The following KLHL1 variants were observed in gnomAD, a reference collection of about 807,000 sequenced individuals.
KLHL1 encodes the protein kelch like family member 1.
Under a neutral mutation model 77.7 loss-of-function variants are expected in KLHL1, and 47 were observed. The observed-to-expected ratio is 0.60, with a 90% confidence interval of 0.48 to 0.77. The LOEUF (loss-of-function observed/expected upper bound fraction) is 0.77, where lower values mean the gene tolerates loss of function less well. Among genes scored for constraint, KLHL1 ranks in the 30% least tolerant of loss-of-function variants. KLHL1 has a pLI of 0.00. For missense variants in KLHL1, 925 were observed against 910.8 expected (o/e 1.02, Z -0.20); for synonymous variants, 360 against 325.2 (o/e 1.11, Z -1.15).
At chr13:69,841,684 T>G (rs1376802026) in intron 5 of KLHL1, among the ~76,000 whole-genome samples, 1 of 151,904 alleles carries the variant, frequency 6.6e-6, no homozygotes, top group African/African-American at 2.4e-5. Context: ...AAAGTCATTT[T>G]TTCACAGAAT....
rs185063257 is a variant in KLHL1 at position 70,090,485 on chromosome 13, A to G, written c.497+16718T>C. Among the ~76,000 whole-genome samples the G allele has an allele frequency of 8.0e-3, 1,222 of 152,066 alleles. 13 individuals are homozygous for G. Among genetic ancestry groups the G allele is most frequent in the South Asian group, 0.033 (160 of 4,818 alleles). On this transcript the variant is annotated intron_variant, in intron 1 of 10. Transcript: ENST00000377844. ...ATATTCAAGGTTTATTGAAAAAAAAAACAGAGAAGTTAAGAGTATTATTGA... is the reference window on the plus strand; with the variant it reads ...ATATTCAAGGTTTATTGAAAAAAAAGACAGAGAAGTTAAGAGTATTATTGA...
intron 1 of KLHL1, among the ~76,000 whole-genome samples, chr13:70,091,344 C>T (rs1454151440): frequency 6.6e-6 from 1 of 151,934 alleles, no homozygotes; most frequent in East Asian, 1.9e-4. Flanking sequence ...CTTCTTTTTA[C>T]AATTCTTCTT....
intron 1 of KLHL1, among the ~76,000 whole-genome samples, chr13:69,994,024 A>C (rs1287079841): frequency 6.6e-6 from 1 of 152,110 alleles, no homozygotes; most frequent in Non-Finnish European, 1.5e-5. Context: ...AGTTATAAAG[A>C]GTGTAGATTG....
At chr13:70,032,834 TC>T (rs1886136851) in intron 1 of KLHL1, among the ~76,000 whole-genome samples, 2 of 152,322 alleles carry the variant, frequency 1.3e-5, no homozygotes, top group East Asian at 1.9e-4. Flanking sequence ...AAATTTTAGA[TC>T]TTTTTAAGGT....
chr13:69,956,783 T>G (rs140671896), intron 3 of KLHL1, among the ~76,000 whole-genome samples: 1 of 151,606 alleles, frequency 6.6e-6, no homozygotes, highest in African/African-American at 2.4e-5. Flanking sequence ...GACCAACACA[T>G]TTGTGATCTA....
intron 5 of KLHL1, among the ~76,000 whole-genome samples, chr13:69,855,339 GATAGATAGACAGACAGAT>G (rs1566329567): frequency 1.3e-5 from 1 of 78,286 alleles, no homozygotes; most frequent in Admixed American, 1.2e-4. Context: ...TAGATAGATA[GATAGATAGACAGACAGAT>G]AGATACATAG....
chr13:69,827,717 G>A (rs893710228), intron 6 of KLHL1, among the ~76,000 whole-genome samples: 12 of 134,388 alleles, frequency 8.9e-5, no homozygotes, highest in Admixed American at 1.6e-4. Flanking sequence ...GCGACAGAGC[G>A]AGACCCTGTC....
At chr13:69,916,581 G>A (rs938600822) in intron 4 of KLHL1, among the ~76,000 whole-genome samples, 2 of 151,862 alleles carry the variant, frequency 1.3e-5, no homozygotes, top group Admixed American at 1.3e-4. Context: ...CACATACCGG[G>A]GCCTGTTGTG....
rs146746396 is a variant in KLHL1, at chr13:69,867,689, G to A, written c.1227+14594C>T. Among the ~76,000 whole-genome samples, 475 of 151,794 alleles carry A rather than the reference G, an allele frequency of 3.1e-3. 5 individuals carry two copies. Among genetic ancestry groups the A allele is most frequent in the Non-Finnish European group, 3.8e-3 (259 of 67,920 alleles). On this transcript the variant is annotated intron_variant, in intron 5 of 10. Coordinates refer to ENST00000377844, the MANE Select transcript of KLHL1 (RefSeq NM_020866.3). ...TTTACTTTAGTAAAAGAGAGGGTTT[G>A]TAAGTATATTAAAATATTTTAAATT...
chr13:69,781,285 C>CTTTTTTTTTT (rs869083780), intron 7 of KLHL1, among the ~76,000 whole-genome samples: 20 of 119,710 alleles, frequency 1.7e-4, no homozygotes, highest in East Asian at 2.5e-4. Flanking sequence ...TTTTTTCTTT[C>CTTTTTTTTTT]TTTTTTTTTT....
intron 1 of KLHL1, among the ~76,000 whole-genome samples, chr13:70,068,296 G>C (rs369132531): frequency 1.3e-5 from 2 of 151,918 alleles, no homozygotes; most frequent in South Asian, 2.1e-4. Context: ...AGCCGAGATC[G>C]CGCCACTGCA....
chr13:69,982,089 T>C (rs1400488979), intron 1 of KLHL1, among the ~76,000 whole-genome samples: 2 of 152,112 alleles, frequency 1.3e-5, no homozygotes, highest in Non-Finnish European at 2.9e-5. Flanking sequence ...TAACTTGTTA[T>C]TATAAGGTGT....
At chr13:69,992,025 C>T (rs2137314073) in intron 1 of KLHL1, among the ~76,000 whole-genome samples, 1 of 152,090 alleles carries the variant, frequency 6.6e-6, no homozygotes, top group Middle Eastern at 3.4e-3. Context: ...TAGGCACCAC[C>T]TCAGACCTAA....
At chr13:69,791,684 G>T (rs1480497450) in intron 7 of KLHL1, among the ~76,000 whole-genome samples, 3 of 152,150 alleles carry the variant, frequency 2.0e-5, no homozygotes, top group Non-Finnish European at 4.4e-5. Flanking sequence ...CAGTGGGAAA[G>T]AAAGGTCTTT....
intron 5 of KLHL1, among the ~76,000 whole-genome samples, chr13:69,870,210 G>T (rs901754183): frequency 3.3e-5 from 5 of 152,102 alleles, no homozygotes; most frequent in Non-Finnish European, 5.9e-5. Context: ...GCTGCCACTC[G>T]TAGTGGAAGT....
intron 8 of KLHL1, among the ~76,000 whole-genome samples, chr13:69,734,117 A>G (rs1320846035): frequency 6.6e-6 from 1 of 152,110 alleles, no homozygotes; most frequent in Non-Finnish European, 1.5e-5. Flanking sequence ...CAGATTTCTC[A>G]TGAATGGTTT....
At chr13:69,725,230 C>T (rs571680709) in intron 8 of KLHL1, among the ~76,000 whole-genome samples, 1 of 152,272 alleles carries the variant, frequency 6.6e-6, no homozygotes, top group African/African-American at 2.4e-5. Flanking sequence ...TTATGAAAAA[C>T]AGTCACCAGT....
At chr13:70,002,627 A>G (rs1885321783) in intron 1 of KLHL1, among the ~76,000 whole-genome samples, 1 of 151,646 alleles carries the variant, frequency 6.6e-6, no homozygotes, top group Non-Finnish European at 1.5e-5. Context: ...CCCAATCAGG[A>G]TATATACAAC....
chr13:69,752,414 T>G (rs1311537606), intron 7 of KLHL1, among the ~76,000 whole-genome samples: 1 of 152,120 alleles, frequency 6.6e-6, no homozygotes, highest in African/African-American at 2.4e-5. Context: ...AAAAGTAAAT[T>G]AGCAAAATAT....
Sources: gnomAD v4.1 joint callset for allele counts (sites outside exome capture counted in the v4.1 genomes callset) on GRCh38, gnomAD v4.1.1 for gene constraint, MANE v1.5 for transcripts, NCBI Gene and HGNC (gene_info 2026-07-23, HGNC 2026-07-21) for gene names.